The following FBXO33 variants were observed in gnomAD, a reference collection of about 807,000 sequenced individuals.
The protein encoded by FBXO33 is F-box protein 33.
Under a neutral mutation model 46.3 loss-of-function variants are expected in FBXO33, and 22 were observed. The ratio of observed to expected loss-of-function variants is 0.48; its 90% CI spans 0.34 to 0.68. FBXO33 has a LOEUF of 0.68. Ranked by LOEUF, FBXO33 falls within the 30% of genes least tolerant of loss-of-function variation. The pLI is 0.01. For synonymous variants in FBXO33, 337 were observed against 291.3 expected, an observed-to-expected ratio of 1.16 and a Z score of -1.60; for missense variants, 692 against 708.8, an observed-to-expected ratio of 0.98 and a Z score of 0.27.
At chr14:39,403,996 C>T (rs2139402763) in intron 1 of FBXO33, among the ~76,000 whole-genome samples, 1 of 152,006 alleles carries the variant, frequency 6.6e-6, no homozygotes, top group East Asian at 1.9e-4. Flanking sequence ...TTGTTGGACT[C>T]TCAAAGTGCT....
At chr14:39,423,820 A>C (rs1420169483) in intron 1 of FBXO33, among the ~76,000 whole-genome samples, 1 of 152,144 alleles carries the variant, frequency 6.6e-6, no homozygotes, top group Non-Finnish European at 1.5e-5. Flanking sequence ...TAAAAAGTTA[A>C]AATAACTTTT....
At chr14:39,412,593 GT>G (rs906437704) in intron 1 of FBXO33, among the ~76,000 whole-genome samples, 3 of 150,572 alleles carry the variant, frequency 2.0e-5, no homozygotes, top group African/African-American at 4.9e-5. Flanking sequence ...TTTGTTCGTA[GT>G]TTTTTTCATT....
At chr14:39,429,256 A>G (rs768957965) in intron 1 of FBXO33, among the ~76,000 whole-genome samples, 1 of 152,218 alleles carries the variant, frequency 6.6e-6, no homozygotes, top group South Asian at 2.1e-4. Context: ...ATTCAGCACA[A>G]AGCCTGGAAG....
intron 1 of FBXO33, among the ~76,000 whole-genome samples, chr14:39,409,968 G>T: frequency 6.6e-6 from 1 of 151,810 alleles, no homozygotes; most frequent in East Asian, 1.9e-4. Flanking sequence ...TATATATAAT[G>T]CCATGTCATC....
At chr14:39,415,223 A>G (rs2075441868) in intron 1 of FBXO33, among the ~76,000 whole-genome samples, 1 of 152,178 alleles carries the variant, frequency 6.6e-6, no homozygotes, top group Non-Finnish European at 1.5e-5. Context: ...TCTTTAGCCC[A>G]GGAGGTGAGG....
intron 1 of FBXO33, among the ~76,000 whole-genome samples, chr14:39,420,047 G>A (rs1246326161): frequency 1.3e-5 from 2 of 152,098 alleles, no homozygotes; most frequent in African/African-American, 4.8e-5. Context: ...TCCAGATCTC[G>A]AGCTAAAGCA....
At chr14:39,420,610 G>C (rs907315628) in intron 1 of FBXO33, among the ~76,000 whole-genome samples, 7 of 152,072 alleles carry the variant, frequency 4.6e-5, no homozygotes, top group Non-Finnish European at 8.8e-5. Flanking sequence ...AGAATGGCGT[G>C]AACCCAGGAG....
chr14:39,397,949 C>CTGA lies in FBXO33; in HGVS notation c.*1564_*1566dup, dbSNP rs1434839768. On this transcript the variant is annotated 3_prime_UTR_variant, in exon 4 of 4. Transcript: ENST00000298097. The stretch of plus-strand genomic sequence containing the variant: ...ACACTGTGCCAGTGGATTCACACTA[C>CTGA]TGATGTACATATAAAATCCGCATGG... The CTGA allele has an allele frequency of 1.3e-5, 2 of 152,644 alleles. No homozygotes were observed. The highest frequency in any genetic ancestry group is 2.9e-5 in the Non-Finnish European group (2 of 68,038). The allele number at this position is 152,644 out of a possible 1,614,324, so 9.5% of individuals were successfully genotyped here. A position where few individuals can be genotyped will look rare whatever the true frequency, so the allele number is the denominator to read the frequency against.
Position 39,431,886 on chromosome 14 carries a change from C to A in FBXO33, c.277G>T (p.Ala93Ser). 6.4e-7 allele frequency: 1 copy of A among 1,564,098 alleles called. No homozygotes were observed. The highest frequency in any genetic ancestry group is 1.9e-5 in the Admixed American group (1 of 53,316). Residue 93 changes from alanine to serine, a missense_variant, in exon 1 of 4, where the codon GCC becomes TCC. Transcript: ENST00000298097. Reference sequence around the variant, plus strand: ...CACTCACGCCAGTGCGAGCAGGAGGCCGAGGCCCGCAGCCGGTCGGGCGCC... The same window carrying A: ...CACTCACGCCAGTGCGAGCAGGAGGACGAGGCCCGCAGCCGGTCGGGCGCC... ...LPAPDRLRASASCSHWRECLF... is the reference protein window; with the variant it reads ...LPAPDRLRASSSCSHWRECLF...
At chr14:39,401,962 G>T in intron 2 of FBXO33, 101 bp from the exon 3 acceptor site, 1 of 921,032 alleles carries the variant, frequency 1.1e-6, no homozygotes, top group Non-Finnish European at 1.6e-6. Context: ...GCAATTTTGA[G>T]ATCTATTTTT....
chr14:39,403,054 T>A (rs1193113429), intron 1 of FBXO33, among the ~76,000 whole-genome samples: 2 of 152,136 alleles, frequency 1.3e-5, no homozygotes, highest in Non-Finnish European at 2.9e-5. Context: ...ACCTACCTTA[T>A]AGGGTTTAAG....
At chr14:39,407,344 G>C (rs1327732228) in intron 1 of FBXO33, among the ~76,000 whole-genome samples, 1 of 152,156 alleles carries the variant, frequency 6.6e-6, no homozygotes, top group Non-Finnish European at 1.5e-5. Flanking sequence ...TCCCCAAATT[G>C]ATCAACAGAC....
intron 1 of FBXO33, among the ~76,000 whole-genome samples, chr14:39,413,010 G>A (rs1222825667): frequency 6.6e-6 from 1 of 152,180 alleles, no homozygotes; most frequent in East Asian, 1.9e-4. Context: ...TGGAGTGACT[G>A]GCAATTTCTT....
At chr14:39,412,453 T>G (rs1231181302) in intron 1 of FBXO33, among the ~76,000 whole-genome samples, 1 of 152,196 alleles carries the variant, frequency 6.6e-6, no homozygotes, top group Non-Finnish European at 1.5e-5. Context: ...TAAAGCTGAG[T>G]GTCTTACAGG....
chr14:39,405,051 G>C (rs915039339), intron 1 of FBXO33, among the ~76,000 whole-genome samples: 11 of 150,856 alleles, frequency 7.3e-5, no homozygotes, highest in African/African-American at 2.7e-4. Context: ...GGGAGGCTAA[G>C]GCAGGAGAAT....
intron 1 of FBXO33, among the ~76,000 whole-genome samples, chr14:39,416,368 G>A (rs913027107): frequency 6.6e-6 from 1 of 151,516 alleles, no homozygotes; most frequent in Non-Finnish European, 1.5e-5. Flanking sequence ...CATCCTGTTT[G>A]GCACTCTTTG....
intron 3 of FBXO33, 108 bp downstream of exon 3, chr14:39,401,068 T>C: frequency 4.9e-6 from 5 of 1,030,606 alleles, no homozygotes; most frequent in Non-Finnish European, 7.0e-6. Flanking sequence ...GTATATCAAC[T>C]TGATACAAGA....
intron 1 of FBXO33, among the ~76,000 whole-genome samples, chr14:39,417,416 G>T (rs114710907): frequency 2.3e-3 from 351 of 152,334 alleles, no homozygotes; most frequent in African/African-American, 8.0e-3. Flanking sequence ...GCTGATGTGG[G>T]CAAAGTGAAT....
chr14:39,430,338 G>A (rs2075536669), intron 1 of FBXO33, among the ~76,000 whole-genome samples: 1 of 152,134 alleles, frequency 6.6e-6, no homozygotes, highest in East Asian at 1.9e-4. Context: ...CTTATCTCTT[G>A]ACTTCTAAAT....
Sources: gnomAD v4.1 joint callset for allele counts (sites outside exome capture counted in the v4.1 genomes callset) on GRCh38, gnomAD v4.1.1 for gene constraint, MANE v1.5 for transcripts, NCBI Gene and HGNC (gene_info 2026-07-23, HGNC 2026-07-21) for gene names.